CCSER1: variants seen among roughly 807,000 people sequenced by gnomAD.
CCSER1 encodes coiled-coil serine rich protein 1.
Under a neutral mutation model 82.0 loss-of-function variants are expected in CCSER1, and 41 were observed. The observed-to-expected ratio is 0.50, with a 90% CI of 0.39 to 0.65. The LOEUF (loss-of-function observed/expected upper bound fraction) is 0.65. Ranked by LOEUF, CCSER1 falls within the 30% of genes least tolerant of loss-of-function variation. The probability of loss-of-function intolerance (pLI) is 0.00; values close to 1 mark genes in which losing one functional copy is unlikely to be tolerated. For missense variants in CCSER1, 1,119 were observed against 1,064.2 expected, an observed-to-expected ratio of 1.05 and a Z score of -0.72; for synonymous variants, 414 against 383.9, an observed-to-expected ratio of 1.08 and a Z score of -0.92.
intron 7 of CCSER1, among the ~76,000 whole-genome samples, chr4:90,783,227 C>A (rs1212825667): frequency 1.3e-5 from 2 of 152,064 alleles, no homozygotes; most frequent in African/African-American, 2.4e-5. Flanking sequence ...CTTATTTATT[C>A]CTTAAAATAA....
intron 10 of CCSER1, among the ~76,000 whole-genome samples, chr4:91,125,287 C>T (rs1183681964): frequency 6.6e-6 from 1 of 151,654 alleles, no homozygotes; most frequent in Admixed American, 6.6e-5. Context: ...TATAGAGAAG[C>T]TCACTTAACA....
At chr4:91,129,912 G>A (rs1727850852) in intron 10 of CCSER1, 1 of 151,978 alleles carries the variant, frequency 6.6e-6, no homozygotes, top group Non-Finnish European at 1.5e-5. Flanking sequence ...TTTTCTCTAA[G>A]AAGTGAATTT....
intron 7 of CCSER1, among the ~76,000 whole-genome samples, chr4:90,786,266 A>G (rs1754505393): frequency 6.6e-6 from 1 of 152,212 alleles, no homozygotes; most frequent in South Asian, 2.1e-4. Flanking sequence ...ACTGTGGTGA[A>G]CTATGTGTTC....
intron 9 of CCSER1, among the ~76,000 whole-genome samples, chr4:90,926,227 T>A (rs1275238606): frequency 6.6e-6 from 1 of 152,082 alleles, no homozygotes; most frequent in Non-Finnish European, 1.5e-5. Context: ...TATAAACACA[T>A]GTATCTATTT....
chr4:91,237,886 T>C (rs1739139575), intron 10 of CCSER1, among the ~76,000 whole-genome samples: 2 of 152,192 alleles, frequency 1.3e-5, no homozygotes, highest in Admixed American at 6.5e-5. Flanking sequence ...AGTGAATTTA[T>C]TTGAGAGCAC....
intron 7 of CCSER1, among the ~76,000 whole-genome samples, chr4:90,785,726 A>ATT (rs74788684): frequency 4.0e-5 from 6 of 151,438 alleles, no homozygotes; most frequent in African/African-American, 1.2e-4. Flanking sequence ...TAAGTTGTCA[A>ATT]TTTTTTTTTA....
At chr4:90,268,571 T>C (rs10030412) in intron 1 of CCSER1, among the ~76,000 whole-genome samples, 8,375 of 151,280 alleles carry the variant, frequency 0.055, 623 homozygotes, top group African/African-American at 0.17. Flanking sequence ...AAACAAGAAC[T>C]CAAAACATAC....
At chr4:90,333,653 C>T (rs1452659029) in intron 3 of CCSER1, among the ~76,000 whole-genome samples, 2 of 152,110 alleles carry the variant, frequency 1.3e-5, no homozygotes, top group Non-Finnish European at 2.9e-5. Context: ...CCACAATTGT[C>T]AAAGTGTAAT....
At chr4:91,274,470 C>T (rs1301938705) in intron 10 of CCSER1, among the ~76,000 whole-genome samples, 1 of 152,124 alleles carries the variant, frequency 6.6e-6, no homozygotes, top group Non-Finnish European at 1.5e-5. Context: ...ACCCTCTGTT[C>T]ATCACACCAC....
At chr4:90,782,022 T>C (rs1580441491) in intron 7 of CCSER1, 16 of 811,572 alleles carry the variant, frequency 2.0e-5, no homozygotes, top group Non-Finnish European at 2.2e-5. Context: ...CCTAAATAGA[T>C]TTAGTACTGT....
intron 4 of CCSER1, among the ~76,000 whole-genome samples, chr4:90,445,374 C>A (rs1293248514): frequency 6.6e-6 from 1 of 152,018 alleles, no homozygotes; most frequent in East Asian, 1.9e-4. Context: ...GGTATTTCAA[C>A]AAATACTTAA....
chr4:91,521,557 TTAA>T (rs1760472862), intron 10 of CCSER1, among the ~76,000 whole-genome samples: 1 of 152,216 alleles, frequency 6.6e-6, no homozygotes, highest in African/African-American at 2.4e-5. Context: ...TCCTGACTTT[TTAA>T]TGATCACCAT....
intron 4 of CCSER1, among the ~76,000 whole-genome samples, chr4:90,407,674 A>G (rs566021746): frequency 3.3e-5 from 5 of 152,324 alleles, no homozygotes; most frequent in Admixed American, 1.3e-4. Flanking sequence ...ATGGCCGAAT[A>G]GGAACAGCTG....
chr4:90,360,236 A>T (rs1745124660), intron 3 of CCSER1, among the ~76,000 whole-genome samples: 1 of 147,314 alleles, frequency 6.8e-6, no homozygotes, highest in Non-Finnish European at 1.5e-5. Context: ...TTATAATAAA[A>T]AAACATCCAC....
At chr4:90,313,763 G>A (rs1355818019) in intron 3 of CCSER1, among the ~76,000 whole-genome samples, 1 of 152,064 alleles carries the variant, frequency 6.6e-6, no homozygotes, top group Non-Finnish European at 1.5e-5. Flanking sequence ...CTGCAGCCTT[G>A]GGTCCATGTG....
chr4:90,212,240 G>T (rs974800540), intron 1 of CCSER1, among the ~76,000 whole-genome samples: 1 of 152,092 alleles, frequency 6.6e-6, no homozygotes, highest in African/African-American at 2.4e-5. Flanking sequence ...AGCTGTATTT[G>T]TTTGGGTTGT....
At chr4:90,622,522 G>C (rs1016135369) in intron 5 of CCSER1, among the ~76,000 whole-genome samples, 1 of 152,006 alleles carries the variant, frequency 6.6e-6, no homozygotes, top group African/African-American at 2.4e-5. Context: ...TGCGGTGTTT[G>C]TTTTTTTGTC....
rs542879962 is a variant in CCSER1, at chr4:90,688,019, A to G, written c.1933-35895A>G. 5.3e-5 allele frequency among the ~76,000 whole-genome samples: 8 copies of G among 152,258 alleles called. No homozygotes were observed. The East Asian group carries it at 1.2e-3, about 22-fold the overall frequency. On this transcript the variant is annotated intron_variant, in intron 6 of 10. Coordinates refer to ENST00000509176, the MANE Select transcript of CCSER1 (RefSeq NM_001145065.2). ...CAGAAACCAGAAAAGCTCGATATTC[A>G]TAAACATTTCTTTAAATGCAGAAAC...
At chr4:90,566,689 G>C (rs1405544004) in intron 5 of CCSER1, among the ~76,000 whole-genome samples, 1 of 150,088 alleles carries the variant, frequency 6.7e-6, no homozygotes, top group Non-Finnish European at 1.5e-5. Context: ...TGCAAGGTCC[G>C]CCTCCAGGGT....
Sources: gnomAD v4.1 joint callset for allele counts (sites outside exome capture counted in the v4.1 genomes callset) on GRCh38, gnomAD v4.1.1 for gene constraint, MANE v1.5 for transcripts, NCBI Gene and HGNC (gene_info 2026-07-23, HGNC 2026-07-21) for gene names.